Variants in CCSER1 observed in about 807,000 individuals in gnomAD.
The protein encoded by CCSER1 is serine-rich coiled-coil domain-containing protein 1.
In CCSER1, 41 loss-of-function variants were observed where a neutral mutation model predicts 82.0. The observed-to-expected ratio is 0.50, with a 90% CI of 0.39 to 0.65. The LOEUF is 0.65. Ranked by LOEUF, CCSER1 falls within the 30% of genes least tolerant of loss-of-function variation. CCSER1 has a pLI of 0.00. For synonymous variants in CCSER1, 414 were observed against 383.9 expected (o/e 1.08, Z -0.92); for missense variants, 1,119 against 1,064.2 (o/e 1.05, Z -0.72).
intron 6 of CCSER1, among the ~76,000 whole-genome samples, chr4:90,636,681 C>G (rs923261301): frequency 6.6e-6 from 1 of 151,870 alleles, no homozygotes; most frequent in African/African-American, 2.4e-5. Flanking sequence ...AAATATAAAC[C>G]TCAGTTTACT....
chr4:91,102,949 TTATCA>T (rs1490309435), intron 10 of CCSER1, among the ~76,000 whole-genome samples: 9 of 152,360 alleles, frequency 5.9e-5, no homozygotes, highest in East Asian at 3.9e-4. Flanking sequence ...TATTTGATAC[TTATCA>T]TATCATAGTA....
chr4:91,219,523 G>A (rs1178567563), intron 10 of CCSER1, among the ~76,000 whole-genome samples: 2 of 151,910 alleles, frequency 1.3e-5, no homozygotes, highest in African/African-American at 2.4e-5. Flanking sequence ...GGCTGGTCTC[G>A]AACTCCTGAC....
intron 5 of CCSER1, among the ~76,000 whole-genome samples, chr4:90,602,629 C>G (rs1784160768): frequency 6.6e-6 from 1 of 152,132 alleles, no homozygotes; most frequent in Non-Finnish European, 1.5e-5. Flanking sequence ...TGGATTTGAC[C>G]AATAAAGAAT....
chr4:90,320,753 C>A (rs868661924), intron 3 of CCSER1, among the ~76,000 whole-genome samples: 1 of 151,966 alleles, frequency 6.6e-6, no homozygotes, highest in Non-Finnish European at 1.5e-5. Flanking sequence ...TCTTTCTGAA[C>A]TTTGAGATGA....
chr4:91,436,360 T>C (rs546756500), intron 10 of CCSER1, among the ~76,000 whole-genome samples: 1 of 152,282 alleles, frequency 6.6e-6, no homozygotes, highest in African/African-American at 2.4e-5. Flanking sequence ...ATTTATGATG[T>C]TTTGCCTAAG....
At chr4:91,052,355 T>C (rs972491188) in intron 9 of CCSER1, among the ~76,000 whole-genome samples, 2 of 152,100 alleles carry the variant, frequency 1.3e-5, no homozygotes, top group Admixed American at 6.6e-5. Context: ...GAAAAACTTA[T>C]TAGGTTCATG....
intron 10 of CCSER1, among the ~76,000 whole-genome samples, chr4:91,534,957 C>A (rs1336293339): frequency 2.0e-5 from 3 of 151,720 alleles, no homozygotes; most frequent in African/African-American, 4.8e-5. Context: ...ATCACATTTT[C>A]TTCAGATAAA....
At chr4:90,817,192 T>C (rs1028849429) in intron 8 of CCSER1, among the ~76,000 whole-genome samples, 12 of 152,132 alleles carry the variant, frequency 7.9e-5, no homozygotes, top group African/African-American at 2.9e-4. Flanking sequence ...AAAATATCTT[T>C]GAGTTGACTA....
intron 4 of CCSER1, among the ~76,000 whole-genome samples, chr4:90,409,344 G>A (rs377421131): frequency 7.2e-5 from 11 of 152,024 alleles, no homozygotes; most frequent in African/African-American, 2.7e-4. Context: ...TCACCAAAGT[G>A]GAAATGAAGG....
At chr4:91,568,288 T>C (rs1762993113) in intron 10 of CCSER1, among the ~76,000 whole-genome samples, 1 of 152,164 alleles carries the variant, frequency 6.6e-6, no homozygotes, top group South Asian at 2.1e-4. Flanking sequence ...ATTCTTGCTT[T>C]CATTGTGACC....
At chr4:91,559,766 AATT>A (rs1762570020) in intron 10 of CCSER1, among the ~76,000 whole-genome samples, 3 of 150,450 alleles carry the variant, frequency 2.0e-5, no homozygotes, top group African/African-American at 7.3e-5. Flanking sequence ...TTATTAGAAA[AATT>A]ATATTTATTT....
At chr4:90,346,860 T>G (rs1742435701) in intron 3 of CCSER1, among the ~76,000 whole-genome samples, 1 of 152,144 alleles carries the variant, frequency 6.6e-6, no homozygotes, top group African/African-American at 2.4e-5. Flanking sequence ...AATAATAATG[T>G]AAATGGTCAC....
chr4:91,297,409 G>A (rs547140487), intron 10 of CCSER1, among the ~76,000 whole-genome samples: 116 of 150,860 alleles, frequency 7.7e-4, no homozygotes, highest in African/African-American at 2.6e-3. Flanking sequence ...GTGTGTGTGT[G>A]TGTGTGTGTG....
intron 3 of CCSER1, 39 bp from the exon 4 acceptor site, chr4:90,399,997 T>C: frequency 8.9e-7 from 1 of 1,123,006 alleles, no homozygotes. Context: ...ATTTACTCAG[T>C]GTTTTGGTTT....
At chr4:90,913,254 A>T (rs755110508) in intron 8 of CCSER1, among the ~76,000 whole-genome samples, 3 of 152,206 alleles carry the variant, frequency 2.0e-5, no homozygotes, top group Non-Finnish European at 4.4e-5. Flanking sequence ...AGGTCAGGTT[A>T]CCCACAAAGG....
At chr4:90,530,487 CAA>C (rs1286013189) in intron 5 of CCSER1, among the ~76,000 whole-genome samples, 1 of 152,068 alleles carries the variant, frequency 6.6e-6, no homozygotes, top group African/African-American at 2.4e-5. Flanking sequence ...TGGGCGTACT[CAA>C]GAGAGAGAGT....
intron 4 of CCSER1, among the ~76,000 whole-genome samples, chr4:90,441,640 A>G (rs189585805): frequency 1.3e-4 from 20 of 152,316 alleles, no homozygotes; most frequent in African/African-American, 3.8e-4. Context: ...TATAGCAATT[A>G]TCTGTGTTGC....
At chr4:91,086,648 C>T (rs1723428475) in intron 10 of CCSER1, among the ~76,000 whole-genome samples, 1 of 151,908 alleles carries the variant, frequency 6.6e-6, no homozygotes, top group Non-Finnish European at 1.5e-5. Flanking sequence ...TTTGATGATA[C>T]TTATATTGCA....
At chr4:91,190,099 A>G (rs1456246274) in intron 10 of CCSER1, among the ~76,000 whole-genome samples, 3 of 152,196 alleles carry the variant, frequency 2.0e-5, no homozygotes, top group Non-Finnish European at 4.4e-5. Context: ...CCTGCACTCC[A>G]TGATTTCCTT....
Sources: gnomAD v4.1 joint callset for allele counts (sites outside exome capture counted in the v4.1 genomes callset) on GRCh38, gnomAD v4.1.1 for gene constraint, MANE v1.5 for transcripts, NCBI Gene and HGNC (gene_info 2026-07-23, HGNC 2026-07-21) for gene names.